IQCK: variants seen among roughly 807,000 people sequenced by gnomAD.
IQCK encodes IQ motif containing K.
IQCK carries 29 observed loss-of-function variants against 28.1 expected under a neutral mutation model. The ratio of observed to expected loss-of-function variants is 1.03; its 90% CI spans 0.77 to 1.41. The LOEUF (loss-of-function observed/expected upper bound fraction) is 1.41, where lower values mean the gene tolerates loss of function less well. IQCK is among the 40% of genes most tolerant of loss of function. The pLI, the probability that IQCK is intolerant of heterozygous loss-of-function variation, is 0.00. For missense variants in IQCK, 359 were observed against 314.7 expected (o/e 1.14, Z -1.07); for synonymous variants, 113 against 115.1 (o/e 0.98, Z 0.12).
At chr16:19,733,592 C>A in intron 2 of IQCK, 106 bp from the exon 3 acceptor site, 1 of 1,341,052 alleles carries the variant, frequency 7.5e-7, no homozygotes, top group Non-Finnish European at 1.0e-6. Context: ...CCCCCTTGAA[C>A]CTTAAAGTCT....
intron 4 of IQCK, among the ~76,000 whole-genome samples, chr16:19,743,236 A>C (rs1047309498): frequency 6.6e-6 from 1 of 152,224 alleles, no homozygotes; most frequent in African/African-American, 2.4e-5. Flanking sequence ...CTACATGAGC[A>C]CTCTGGAGGT....
intron 6 of IQCK, among the ~76,000 whole-genome samples, chr16:19,770,495 C>G: frequency 6.6e-6 from 1 of 152,100 alleles, no homozygotes; most frequent in East Asian, 1.9e-4. Context: ...GAAAATGTTT[C>G]CCTGCCTTTT....
chr16:19,803,468 C>T (rs1189102970), intron 7 of IQCK, among the ~76,000 whole-genome samples: 1 of 152,002 alleles, frequency 6.6e-6, no homozygotes, highest in Non-Finnish European at 1.5e-5. Flanking sequence ...TTAATAGCTC[C>T]CAGGTGACTC....
chr16:19,739,595 A>G (rs935367070), intron 4 of IQCK, among the ~76,000 whole-genome samples: 2 of 152,024 alleles, frequency 1.3e-5, no homozygotes, highest in Non-Finnish European at 2.9e-5. Flanking sequence ...CGTGTGGATC[A>G]CTGGAGCTTA....
chr16:19,842,098 A>G (rs1190708290), intron 9 of IQCK, among the ~76,000 whole-genome samples: 1 of 152,166 alleles, frequency 6.6e-6, no homozygotes, highest in Non-Finnish European at 1.5e-5. Flanking sequence ...TGCCCACCTC[A>G]GTATCCCAAA....
chr16:19,733,478 C>T (rs767771958), intron 2 of IQCK, among the ~76,000 whole-genome samples: 15 of 152,074 alleles, frequency 9.9e-5, no homozygotes, highest in Non-Finnish European at 1.9e-4. Context: ...TGTTTACAAA[C>T]GTCTCATCCA....
In IQCK at chr16:19,768,109, A is replaced by G. The variant is rs139221138; in HGVS notation, c.605+3997A>G. 1.9e-3 allele frequency among the ~76,000 whole-genome samples: 293 copies of G among 151,584 alleles called. 3 individuals are homozygous for G. Among genetic ancestry groups the G allele is most frequent in the African/African-American group, 6.9e-3 (285 of 41,362 alleles). ...ATAGGACAGAAAAAGTACTGCATCC[A>G]GGAACTAATAAATAATATAATTGAG... On this transcript the variant is annotated intron_variant, in intron 6 of 7. Coordinates refer to ENST00000564186, the Ensembl canonical transcript of IQCK.
chr16:19,724,719 A>G (rs1451373750), intron 1 of IQCK, among the ~76,000 whole-genome samples: 1 of 151,902 alleles, frequency 6.6e-6, no homozygotes, highest in Admixed American at 6.6e-5. Context: ...TTTTTAGTAG[A>G]GAGGGGGTTT....
At chr16:19,818,006 C>T (rs972197160) in intron 7 of IQCK, among the ~76,000 whole-genome samples, 3 of 152,162 alleles carry the variant, frequency 2.0e-5, no homozygotes, top group Non-Finnish European at 4.4e-5. Context: ...TCAGTTGTCG[C>T]GGTCCAGAAG....
At chr16:19,854,495 G>A (rs981926758) in intron 9 of IQCK, among the ~76,000 whole-genome samples, 2 of 152,204 alleles carry the variant, frequency 1.3e-5, no homozygotes, top group Non-Finnish European at 2.9e-5. Flanking sequence ...GGTTCTGTCT[G>A]CCTGGAAAAG....
chr16:19,738,037 A>G (rs2054781140), intron 4 of IQCK, among the ~76,000 whole-genome samples: 1 of 152,174 alleles, frequency 6.6e-6, no homozygotes, highest in Non-Finnish European at 1.5e-5. Context: ...GACATCCTTA[A>G]TTAAGACATT....
downstream of IQCK, among the ~76,000 whole-genome samples, chr16:19,828,880 A>G (rs571083318): frequency 0.019 from 2,666 of 140,848 alleles, 27 homozygotes; most frequent in Non-Finnish European, 0.031. Context: ...ATAAATATAT[A>G]TATAAAATAT....
At chr16:19,725,520 T>G (rs1310269241) in intron 1 of IQCK, among the ~76,000 whole-genome samples, 1 of 152,208 alleles carries the variant, frequency 6.6e-6, no homozygotes, top group Non-Finnish European at 1.5e-5. Context: ...TTCTTAAGTA[T>G]TTCTAATGCA....
At chr16:19,831,706 A>G (rs1243450463), downstream of IQCK, among the ~76,000 whole-genome samples, 1 of 152,076 alleles carries the variant, frequency 6.6e-6, no homozygotes, top group Non-Finnish European at 1.5e-5. Flanking sequence ...AGACAGGCAT[A>G]TCTTTTTAAG....
intron 9 of IQCK, among the ~76,000 whole-genome samples, chr16:19,838,703 C>T (rs770820498): frequency 6.6e-6 from 1 of 152,118 alleles, no homozygotes; most frequent in African/African-American, 2.4e-5. Context: ...CTAATCTTCA[C>T]AGCAAACAGA....
intron 4 of IQCK, among the ~76,000 whole-genome samples, chr16:19,747,391 G>A (rs1279893631): frequency 6.6e-6 from 1 of 152,144 alleles, no homozygotes; most frequent in Non-Finnish European, 1.5e-5. Context: ...GGCCTCTTGA[G>A]CCTGAGGCTT....
intron 7 of IQCK, among the ~76,000 whole-genome samples, chr16:19,822,127 G>A (rs990262214): frequency 3.4e-5 from 5 of 146,706 alleles, no homozygotes; most frequent in African/African-American, 1.0e-4. Context: ...GGTGGCTCAC[G>A]CAGTAATCCC....
chr16:19,775,850 C>G (rs1276145809), intron 6 of IQCK, among the ~76,000 whole-genome samples: 1 of 44,314 alleles, frequency 2.3e-5, no homozygotes, highest in Non-Finnish European at 3.1e-5. Context: ...ACTAGCTGTT[C>G]TGTTCTGGGC....
chr16:19,734,204 A>G (rs1977932243), intron 3 of IQCK, among the ~76,000 whole-genome samples: 1 of 152,028 alleles, frequency 6.6e-6, no homozygotes, highest in African/African-American at 2.4e-5. Context: ...AAAATTTAAA[A>G]AAAAAATTAT....
Sources: gnomAD v4.1 joint callset for allele counts (sites outside exome capture counted in the v4.1 genomes callset) on GRCh38, gnomAD v4.1.1 for gene constraint, MANE v1.5 for transcripts, NCBI Gene and HGNC (gene_info 2026-07-23, HGNC 2026-07-21) for gene names.